Variants in ARL5B observed in about 807,000 individuals in gnomAD.
The protein encoded by ARL5B is ADP-ribosylation factor-like protein 5B.
ARL5B carries 10 observed loss-of-function variants against 26.9 expected under a neutral mutation model. The observed-to-expected ratio is 0.37, with a 90% CI of 0.23 to 0.63. The LOEUF is 0.63. ARL5B is among the 30% of genes least tolerant of loss of function. The pLI is 0.62. For missense variants in ARL5B, 167 were observed against 213.9 expected, an observed-to-expected ratio of 0.78 and a Z score of 1.37; for synonymous variants, 87 against 70.4, an observed-to-expected ratio of 1.24 and a Z score of -1.18.
rs1343400787 is a variant in ARL5B at position 18,675,726 on chromosome 10, C to T, written c.*510C>T. The T allele has an allele frequency of 6.5e-6, 1 of 154,212 alleles. No individual in the cohort carries two copies. The allele number at this position is 154,212 out of a possible 1,614,324, so 9.6% of individuals were successfully genotyped here. A position where few individuals can be genotyped will look rare whatever the true frequency, so the allele number is the denominator to read the frequency against. Reference sequence around the variant, plus strand: ...ACTTACTGTAAAGAAAGAAATCTGCCTAGAGGATATATGTAAGGAAGATTC... The same window carrying T: ...ACTTACTGTAAAGAAAGAAATCTGCTTAGAGGATATATGTAAGGAAGATTC... On this transcript the variant is annotated 3_prime_UTR_variant, in exon 6 of 6. Transcript: ENST00000377275.
In ARL5B at chr10:18,664,191, G is replaced by T. The variant is rs189194255; in HGVS notation, c.47-2384G>T. Among the ~76,000 whole-genome samples, 559 of 151,418 alleles carry T rather than the reference G, an allele frequency of 3.7e-3. 4 individuals are homozygous for T. The highest frequency in any genetic ancestry group is 0.012 in the African/African-American group (507 of 41,268). ...TTGGTCTTGAACTCCTGACCTTGTG[G>T]TCTGCCCACCTCAGCCTACTGAAGT... On this transcript the variant is annotated intron_variant, in intron 1 of 5. Transcript: ENST00000377275.
chr10:18,661,632 C>T (rs2131636946), intron 1 of ARL5B, among the ~76,000 whole-genome samples: 1 of 152,142 alleles, frequency 6.6e-6, no homozygotes, highest in Middle Eastern at 3.4e-3. Context: ...AGTATTCAAA[C>T]ATCAATAAAC....
In ARL5B at chr10:18,659,493, G is replaced by A. The variant is rs2059815851; in HGVS notation, c.-145G>A. On this transcript the variant is annotated 5_prime_UTR_variant, in exon 1 of 6. Transcript: ENST00000377275. ...GTCGCGGCGCCTTCTGAGTGGTCGG[G>A]TCGAGGCTTCTCGGCCTAGCAGTGC... 15 of 1,083,742 alleles carry A rather than the reference G, an allele frequency of 1.4e-5. No homozygotes were observed. The South Asian group carries it at 2.4e-4, about 18-fold the overall frequency. 67.1% of individuals were successfully genotyped at this position (1,083,742 alleles called of 1,614,324 possible).
chr10:18,672,839 T>G, intron 4 of ARL5B, 134 bp downstream of exon 4: 1 of 459,480 alleles, frequency 2.2e-6, no homozygotes, highest in Non-Finnish European at 3.8e-6. Flanking sequence ...ACTAAACTGA[T>G]GAAAGTCTTG....
chr10:18,680,167 C>T lies in ARL5B; in HGVS notation c.*4951C>T, dbSNP rs2059926501. The T allele has an allele frequency of 6.6e-6, 1 of 152,004 alleles. No homozygotes were observed. Among genetic ancestry groups the T allele is most frequent in the Non-Finnish European group, 1.5e-5 (1 of 67,912 alleles). 9.4% of individuals were successfully genotyped at this position (152,004 alleles called of 1,614,324 possible). A position where few individuals can be genotyped will look rare whatever the true frequency, so the allele number is the denominator to read the frequency against. On this transcript the variant is annotated 3_prime_UTR_variant, in exon 6 of 6. Transcript: ENST00000377275. ...TTAAAAAATTACCTCATTTTTCAAT[C>T]CATAAGGTGCTTTGCTCAAGTTTGT...
rs531796051 is a variant in ARL5B at position 18,675,777 on chromosome 10, C to T, written c.*561C>T. ...CACATCATGAGTACTTGCCTTTTAA[C>T]TTTCCCCCACATTACTGTTGAGTCA... is the stretch of plus-strand genomic sequence containing the variant. On this transcript the variant is annotated 3_prime_UTR_variant, in exon 6 of 6. Coordinates refer to ENST00000377275, the MANE Select transcript of ARL5B (RefSeq NM_178815.5). 1 of 152,222 alleles carries T rather than the reference C, an allele frequency of 6.6e-6. No individual in the cohort carries two copies. Among genetic ancestry groups the T allele is most frequent in the East Asian group, 1.9e-4 (1 of 5,184 alleles). 9.4% of individuals were successfully genotyped at this position (152,222 alleles called of 1,614,324 possible).
rs1400352913 is a variant in ARL5B at position 18,676,925 on chromosome 10, A to G, written c.*1709A>G. On this transcript the variant is annotated 3_prime_UTR_variant, in exon 6 of 6. Transcript: ENST00000377275. ...TTTGTTTTAAGCCGTTTTCTTAGTG[A>G]TTCTGTATCAAGTAGAGGATAAGTG... 1 of 152,320 alleles carries G rather than the reference A, an allele frequency of 6.6e-6. No homozygotes were observed. The highest frequency in any genetic ancestry group is 1.5e-5 in the Non-Finnish European group (1 of 67,850). The allele number at this position is 152,320 out of a possible 1,614,324, so 9.4% of individuals were successfully genotyped here.
intron 2 of ARL5B, among the ~76,000 whole-genome samples, chr10:18,666,984 A>G (rs1243420956): frequency 6.6e-6 from 1 of 152,014 alleles, no homozygotes; most frequent in Non-Finnish European, 1.5e-5. Flanking sequence ...AGCCATTGCT[A>G]CCCTCCTGAC....
Position 18,680,039 on chromosome 10 carries a change from T to A in ARL5B, c.*4823T>A, listed in dbSNP as rs1210738493. On this transcript the variant is annotated 3_prime_UTR_variant, in exon 6 of 6. Coordinates refer to ENST00000377275, the MANE Select transcript of ARL5B (RefSeq NM_178815.5). ...TAAACCAGTAATCTACATTTTCTCC[T>A]GGAAATGGAGAAATATGAAATGTGC... is the stretch of plus-strand genomic sequence containing the variant. The A allele has an allele frequency of 6.6e-6, 1 of 151,986 alleles. No individual in the cohort carries two copies. Among genetic ancestry groups the A allele is most frequent in the Non-Finnish European group, 1.5e-5 (1 of 67,892 alleles). 9.4% of individuals were successfully genotyped at this position (151,986 alleles called of 1,614,324 possible).
chr10:18,659,617 C>T lies in ARL5B; in HGVS notation c.-21C>T, dbSNP rs1292404970. On this transcript the variant is annotated 5_prime_UTR_variant, in exon 1 of 6. Transcript: ENST00000377275. ...CGGCACCTGCTGCCGAGGGACCCCG[C>T]GGCCCGCCCCGGTGCTCGTGATGGG... 2 of 1,605,408 alleles carry T rather than the reference C, an allele frequency of 1.2e-6. No homozygotes were observed. The highest frequency in any genetic ancestry group is 1.7e-6 in the Non-Finnish European group (2 of 1,176,500).
chr10:18,675,346 C>A lies in ARL5B; in HGVS notation c.*130C>A. ...AAACCTCTGAGAGCAACACTTGAAT[C>A]AAGTGCAGCTGAACTGGAACATAAA... On this transcript the variant is annotated 3_prime_UTR_variant, in exon 6 of 6. Transcript: ENST00000377275. 1.2e-6 allele frequency: 1 copy of A among 833,738 alleles called. No individual in the cohort carries two copies. The highest frequency in any genetic ancestry group is 1.7e-5 in the South Asian group (1 of 57,274). 51.6% of individuals were successfully genotyped at this position (833,738 alleles called of 1,614,324 possible).
At chr10:18,660,674 G>A (rs2059829134) in intron 1 of ARL5B, among the ~76,000 whole-genome samples, 1 of 152,034 alleles carries the variant, frequency 6.6e-6, no homozygotes, top group Non-Finnish European at 1.5e-5. Context: ...AGATTGATAA[G>A]AACACTAAAG....
chr10:18,665,894 C>T (rs1590225320), intron 1 of ARL5B, among the ~76,000 whole-genome samples: 1 of 152,094 alleles, frequency 6.6e-6, no homozygotes, highest in South Asian at 2.1e-4. Flanking sequence ...TTAGCAACTA[C>T]TTATTAAAAG....
At position 18,680,650 on chromosome 10, in the gene ARL5B, A is replaced by G. The variant is rs2059928455; in HGVS notation, c.*5434A>G. On this transcript the variant is annotated 3_prime_UTR_variant, in exon 6 of 6. Transcript: ENST00000377275. ...GAGTAAACTGTTGAGTGTAGTTACA[A>G]AAACTTTTATTTATGACTTAAAAAA... The G allele has an allele frequency of 6.6e-6, 1 of 152,152 alleles. No homozygotes were observed. The highest frequency in any genetic ancestry group is 1.5e-5 in the Non-Finnish European group (1 of 67,990). The allele number at this position is 152,152 out of a possible 1,614,324, so 9.4% of individuals were successfully genotyped here.
At chr10:18,665,529 C>A (rs1317539162) in intron 1 of ARL5B, among the ~76,000 whole-genome samples, 1 of 151,934 alleles carries the variant, frequency 6.6e-6, no homozygotes, top group Non-Finnish European at 1.5e-5. Flanking sequence ...TTTCTTGGTC[C>A]CTCTTTTTTT....
At chr10:18,672,021 T>A (rs1366249117) in intron 3 of ARL5B, among the ~76,000 whole-genome samples, 1 of 152,222 alleles carries the variant, frequency 6.6e-6, no homozygotes, top group Non-Finnish European at 1.5e-5. Flanking sequence ...AGATTTCTCC[T>A]CTTTTTTCTG....
At chr10:18,668,102 G>A (rs1455186076) in intron 2 of ARL5B, among the ~76,000 whole-genome samples, 1 of 152,082 alleles carries the variant, frequency 6.6e-6, no homozygotes, top group Non-Finnish European at 1.5e-5. Context: ...TTGTGACTAA[G>A]TCTCAATTTA....
At chr10:18,667,767 G>T (rs2059868233) in intron 2 of ARL5B, among the ~76,000 whole-genome samples, 4 of 151,876 alleles carry the variant, frequency 2.6e-5, no homozygotes. Flanking sequence ...GTTTTGCTCT[G>T]TTTCTAAGGG....
chr10:18,668,690 G>A lies in ARL5B; in HGVS notation c.255+13G>A. 6.2e-7 allele frequency: 1 copy of A among 1,607,236 alleles called. No individual in the cohort carries two copies. The highest frequency in any genetic ancestry group is 8.5e-7 in the Non-Finnish European group (1 of 1,176,586). On this transcript the variant is annotated intron_variant, in intron 3 of 5. Coordinates refer to ENST00000377275, the MANE Select transcript of ARL5B (RefSeq NM_178815.5). ...CTCAAATACAGAGGTATGCTAAGAT[G>A]AATTTTGAATTTTAATCCAAAGGTC...
Sources: allele counts gnomAD v4.1 joint callset (sites outside exome capture counted in the v4.1 genomes callset), GRCh38; gene constraint gnomAD v4.1.1; transcripts MANE v1.5; gene names NCBI Gene and HGNC (gene_info 2026-07-23, HGNC 2026-07-21).